Variants in LDAH observed in about 807,000 individuals in gnomAD.
The protein encoded by LDAH is lipid droplet-associated hydrolase.
A neutral mutation model predicts 29.6 loss-of-function variants in LDAH; 26 were observed. The ratio of observed to expected loss-of-function variants is 0.88; its 90% CI spans 0.64 to 1.22. The LOEUF is 1.22. Among genes scored for constraint, LDAH ranks in the 50% most tolerant of loss-of-function variants. LDAH has a pLI of 0.00. For missense variants in LDAH, 344 were observed against 387.3 expected (o/e 0.89, Z 0.94); for synonymous variants, 117 against 133.0 (o/e 0.88, Z 0.83).
chr2:20,749,336 T>C (rs758031816), intron 4 of LDAH, among the ~76,000 whole-genome samples: 1 of 152,236 alleles, frequency 6.6e-6, no homozygotes, highest in Non-Finnish European at 1.5e-5. Flanking sequence ...GATGATAGAA[T>C]ACAGGGTTAT....
intron 6 of LDAH, among the ~76,000 whole-genome samples, chr2:20,687,880 T>C (rs996701729): frequency 2.0e-5 from 3 of 152,216 alleles, no homozygotes; most frequent in African/African-American, 4.8e-5. Context: ...GAAGAACAGA[T>C]AGTGGCAATT....
intron 4 of LDAH, among the ~76,000 whole-genome samples, chr2:20,774,450 CA>C (rs1669649691): frequency 6.6e-6 from 1 of 152,116 alleles, no homozygotes; most frequent in South Asian, 2.1e-4. Context: ...AGAATATTTA[CA>C]AAATACCTTC....
intron 4 of LDAH, among the ~76,000 whole-genome samples, chr2:20,743,050 AC>A (rs1667305569): frequency 6.6e-6 from 1 of 151,962 alleles, no homozygotes; most frequent in East Asian, 1.9e-4. Flanking sequence ...GGTGTGAGCC[AC>A]CACACCAGGC....
intron 5 of LDAH, among the ~76,000 whole-genome samples, chr2:20,725,646 C>G (rs1665962607): frequency 6.6e-6 from 1 of 152,222 alleles, no homozygotes; most frequent in South Asian, 2.1e-4. Flanking sequence ...CCTTGATTGA[C>G]TCTACTGAGT....
chr2:20,745,851 A>G (rs1382289164), intron 4 of LDAH, among the ~76,000 whole-genome samples: 1 of 152,242 alleles, frequency 6.6e-6, no homozygotes, highest in African/African-American at 2.4e-5. Context: ...AGATAAAATA[A>G]TAAAAGAGGA....
At chr2:20,798,502 CA>C (rs1440459003) in intron 2 of LDAH, among the ~76,000 whole-genome samples, 2 of 151,272 alleles carry the variant, frequency 1.3e-5, no homozygotes, top group African/African-American at 4.9e-5. Context: ...GGAAAACAAA[CA>C]AAAATATATA....
At chr2:20,755,854 T>C (rs1341200233) in intron 4 of LDAH, among the ~76,000 whole-genome samples, 1 of 152,186 alleles carries the variant, frequency 6.6e-6, no homozygotes, top group Non-Finnish European at 1.5e-5. Context: ...GTGTGTTAGA[T>C]AAGTGGTTTG....
At chr2:20,822,641 G>C (rs1042144337) in intron 1 of LDAH, among the ~76,000 whole-genome samples, 2 of 152,206 alleles carry the variant, frequency 1.3e-5, no homozygotes, top group Non-Finnish European at 1.5e-5. Flanking sequence ...GGCGGCGTGA[G>C]CACTAAACGC....
chr2:20,720,089 T>C (rs1483132047), intron 5 of LDAH, among the ~76,000 whole-genome samples: 1 of 152,098 alleles, frequency 6.6e-6, no homozygotes, highest in Non-Finnish European at 1.5e-5. Context: ...CAACTCAACA[T>C]AGTATTAGAA....
intron 4 of LDAH, among the ~76,000 whole-genome samples, chr2:20,769,443 A>G (rs1033129792): frequency 2.0e-5 from 3 of 152,220 alleles, no homozygotes; most frequent in African/African-American, 7.2e-5. Context: ...ACTGTTAAAC[A>G]TAGCTGAGTG....
At chr2:20,714,626 G>C (rs539830470) in intron 5 of LDAH, among the ~76,000 whole-genome samples, 17 of 152,294 alleles carry the variant, frequency 1.1e-4, no homozygotes, top group Admixed American at 9.8e-4. Context: ...AAAATTGATA[G>C]ACTGCTAGCA....
chr2:20,771,891 T>C (rs916964593), intron 4 of LDAH, among the ~76,000 whole-genome samples: 23 of 152,212 alleles, frequency 1.5e-4, no homozygotes, highest in Admixed American at 1.4e-3. Flanking sequence ...GAAAACTCTA[T>C]AATCAGTTTG....
At chr2:20,806,518 A>G (rs1672075882) in intron 1 of LDAH, among the ~76,000 whole-genome samples, 1 of 152,176 alleles carries the variant, frequency 6.6e-6, no homozygotes, top group Non-Finnish European at 1.5e-5. Context: ...CAGAAGTTTT[A>G]CTTTAGTCAT....
chr2:20,737,268 T>A (rs1337798313), intron 5 of LDAH, among the ~76,000 whole-genome samples: 1 of 152,212 alleles, frequency 6.6e-6, no homozygotes, highest in Non-Finnish European at 1.5e-5. Flanking sequence ...GTTTTATAGA[T>A]AATATCCATG....
Position 20,816,782 on chromosome 2 carries a change from C to T in LDAH, c.-3+6255G>A, listed in dbSNP as rs1672880590. On this transcript the variant is annotated intron_variant, in intron 1 of 6. Coordinates refer to ENST00000237822, the MANE Select transcript of LDAH (RefSeq NM_021925.4). ...ATAATAACAGAATACACATTCTTTT[C>T]AAGCATACATGGAACATCCACCAAG... Among the ~76,000 whole-genome samples, 2 of 151,916 alleles carry T rather than the reference C, an allele frequency of 1.3e-5. 1 individual carries two copies. The highest frequency in any genetic ancestry group is 1.3e-4 in the Admixed American group (2 of 15,246).
At chr2:20,812,081 G>A (rs1672540597) in intron 1 of LDAH, among the ~76,000 whole-genome samples, 1 of 152,070 alleles carries the variant, frequency 6.6e-6, no homozygotes, top group African/African-American at 2.4e-5. Flanking sequence ...GTAAAAGAAG[G>A]GAATTTAGTG....
chr2:20,770,359 G>A (rs886961569), intron 4 of LDAH, among the ~76,000 whole-genome samples: 6 of 152,052 alleles, frequency 3.9e-5, no homozygotes, highest in East Asian at 1.9e-4. Context: ...GATATCCTTC[G>A]AAGAGGAGAA....
intron 5 of LDAH, among the ~76,000 whole-genome samples, chr2:20,736,305 C>T (rs1361106127): frequency 6.6e-6 from 1 of 151,830 alleles, no homozygotes; most frequent in Admixed American, 6.6e-5. Context: ...AGCTGGGAGT[C>T]GTGGCAGGCA....
At chr2:20,693,189 C>T (rs2149335307) in intron 6 of LDAH, among the ~76,000 whole-genome samples, 1 of 147,018 alleles carries the variant, frequency 6.8e-6, no homozygotes, top group African/African-American at 2.5e-5. Flanking sequence ...AAGTGCTTTC[C>T]ACATGGTGGG....
Sources: allele counts gnomAD v4.1 joint callset (sites outside exome capture counted in the v4.1 genomes callset), GRCh38; gene constraint gnomAD v4.1.1; transcripts MANE v1.5; gene names NCBI Gene and HGNC (gene_info 2026-07-23, HGNC 2026-07-21).